SKAP2: variants seen among roughly 807,000 people sequenced by gnomAD.
The protein encoded by SKAP2 is src kinase-associated phosphoprotein 2.
SKAP2 carries 28 observed loss-of-function variants against 54.9 expected under a neutral mutation model. The observed-to-expected ratio is 0.51, with a 90% CI of 0.38 to 0.70. The LOEUF (loss-of-function observed/expected upper bound fraction) is 0.70, where lower values mean the gene tolerates loss of function less well. SKAP2 is among the 30% of genes least tolerant of loss of function. The pLI is 0.00. For synonymous variants in SKAP2, 137 were observed against 134.3 expected, an observed-to-expected ratio of 1.02 and a Z score of -0.14; for missense variants, 356 against 424.1, an observed-to-expected ratio of 0.84 and a Z score of 1.41.
chr7:26,814,916 T>G (rs1177267945), intron 4 of SKAP2, among the ~76,000 whole-genome samples: 1 of 152,122 alleles, frequency 6.6e-6, no homozygotes, highest in Non-Finnish European at 1.5e-5. Flanking sequence ...GTCAAATAAT[T>G]TTTGCCTTCA....
At chr7:26,817,355 C>A (rs1784287974) in intron 4 of SKAP2, among the ~76,000 whole-genome samples, 1 of 151,834 alleles carries the variant, frequency 6.6e-6, no homozygotes, top group South Asian at 2.1e-4. Context: ...AGAATGTCAG[C>A]AGAGAGGAAA....
At chr7:26,664,247 T>C (rs1159805391), downstream of SKAP2, among the ~76,000 whole-genome samples, 2 of 152,142 alleles carry the variant, frequency 1.3e-5, no homozygotes, top group African/African-American at 2.4e-5. Context: ...AAAATGGTAA[T>C]GAATAACAGA....
At chr7:26,814,044 C>G (rs1000277855) in intron 4 of SKAP2, among the ~76,000 whole-genome samples, 6 of 152,022 alleles carry the variant, frequency 3.9e-5, no homozygotes, top group Non-Finnish European at 8.8e-5. Flanking sequence ...TCATATGAAG[C>G]TACAGCTAAA....
At chr7:26,691,117 G>A (rs1241973598) in intron 9 of SKAP2, among the ~76,000 whole-genome samples, 1 of 152,118 alleles carries the variant, frequency 6.6e-6, no homozygotes, top group Non-Finnish European at 1.5e-5. Context: ...TCCAAAGTGT[G>A]TCATTCGAAC....
At chr7:26,735,243 G>C (rs1787900840) in intron 6 of SKAP2, among the ~76,000 whole-genome samples, 1 of 152,046 alleles carries the variant, frequency 6.6e-6, no homozygotes. Flanking sequence ...ATGAGTAAGT[G>C]AATGAATGAA....
chr7:26,766,896 C>T (rs1039282621), intron 4 of SKAP2, among the ~76,000 whole-genome samples: 2 of 152,098 alleles, frequency 1.3e-5, no homozygotes, highest in African/African-American at 4.8e-5. Flanking sequence ...ATTTTCACAT[C>T]GATGTTCATC....
At chr7:26,674,280 C>T (rs1350283481) in intron 11 of SKAP2, among the ~76,000 whole-genome samples, 1 of 152,112 alleles carries the variant, frequency 6.6e-6, no homozygotes, top group East Asian at 1.9e-4. Context: ...AACCAATGGA[C>T]TTGACTGTTG....
intron 4 of SKAP2, among the ~76,000 whole-genome samples, chr7:26,835,785 C>G (rs1784694927): frequency 6.6e-6 from 1 of 152,088 alleles, no homozygotes; most frequent in Non-Finnish European, 1.5e-5. Context: ...TTTATAGACT[C>G]AATGCTATCC....
chr7:26,837,023 G>C (rs530332209), intron 4 of SKAP2, among the ~76,000 whole-genome samples: 3 of 152,268 alleles, frequency 2.0e-5, no homozygotes, highest in East Asian at 1.9e-4. Context: ...GGATGAGTTC[G>C]TGTCCTTTGC....
At position 26,738,890 on chromosome 7, in the gene SKAP2, A is replaced by G; in HGVS notation, c.386-12T>C. On this transcript the variant is annotated splice_polypyrimidine_tract_variant and intron_variant, in intron 5 of 12. Coordinates refer to ENST00000345317, the MANE Select transcript of SKAP2 (RefSeq NM_003930.5). Reference sequence around the variant, plus strand: ...CAGAAAGCTGTGATCTGCAATAAAGAGGGGAAAATGTAAGGCCATTTCCTT... The same window carrying G: ...CAGAAAGCTGTGATCTGCAATAAAGGGGGGAAAATGTAAGGCCATTTCCTT... 1 of 1,536,804 alleles carries G rather than the reference A, an allele frequency of 6.5e-7. No individual in the cohort carries two copies. The highest frequency in any genetic ancestry group is 1.1e-5 in the South Asian group (1 of 89,396).
At chr7:26,785,066 A>G (rs528056960) in intron 4 of SKAP2, among the ~76,000 whole-genome samples, 28 of 152,208 alleles carry the variant, frequency 1.8e-4, no homozygotes, top group African/African-American at 6.0e-4. Context: ...CTGAACTGTC[A>G]TTTTTTTGCT....
At chr7:26,714,213 G>A (rs761397148) in intron 9 of SKAP2, among the ~76,000 whole-genome samples, 1 of 152,118 alleles carries the variant, frequency 6.6e-6, no homozygotes. Context: ...CCTTGAACCA[G>A]GATGTGAAAA....
chr7:26,664,531 T>A (rs917171298), downstream of SKAP2, among the ~76,000 whole-genome samples: 1 of 152,130 alleles, frequency 6.6e-6, no homozygotes, highest in Non-Finnish European at 1.5e-5. Flanking sequence ...ATTAATTTTC[T>A]CCTTTGAGAG....
At chr7:26,817,128 C>T (rs1784280874) in intron 4 of SKAP2, among the ~76,000 whole-genome samples, 1 of 152,082 alleles carries the variant, frequency 6.6e-6, no homozygotes, top group South Asian at 2.1e-4. Flanking sequence ...ACACATTCCC[C>T]CACCATGATT....
At chr7:26,662,458 T>C (rs989117413), downstream of SKAP2, among the ~76,000 whole-genome samples, 2 of 152,138 alleles carry the variant, frequency 1.3e-5, no homozygotes, top group Non-Finnish European at 2.9e-5. Flanking sequence ...TGCTAAGAAC[T>C]GTACCAAGGT....
intron 1 of SKAP2, among the ~76,000 whole-genome samples, chr7:26,864,055 T>TCTCACACA (rs1554310125): frequency 7.0e-6 from 1 of 143,332 alleles, no homozygotes; most frequent in African/African-American, 2.6e-5. Flanking sequence ...CGCCCTTCTG[T>TCTCACACA]CACACACACA....
chr7:26,734,420 A>C (rs961258047), intron 6 of SKAP2, among the ~76,000 whole-genome samples: 16 of 152,172 alleles, frequency 1.1e-4, no homozygotes, highest in African/African-American at 3.1e-4. Flanking sequence ...CCCCTCACTC[A>C]TTCTAAGCTC....
chr7:26,847,336 CT>C (rs1204383267), intron 3 of SKAP2, among the ~76,000 whole-genome samples: 1 of 151,974 alleles, frequency 6.6e-6, no homozygotes, highest in African/African-American at 2.4e-5. Flanking sequence ...TGGTCCATCC[CT>C]TTTCCTCCCC....
At chr7:26,708,687 T>G (rs1367076208) in intron 9 of SKAP2, among the ~76,000 whole-genome samples, 1 of 152,218 alleles carries the variant, frequency 6.6e-6, no homozygotes, top group Non-Finnish European at 1.5e-5. Flanking sequence ...CTTTTAGGTA[T>G]CTCATTTACT....
Sources: gnomAD v4.1 joint callset for allele counts (sites outside exome capture counted in the v4.1 genomes callset) on GRCh38, gnomAD v4.1.1 for gene constraint, MANE v1.5 for transcripts, NCBI Gene and HGNC (gene_info 2026-07-23, HGNC 2026-07-21) for gene names.